The following CBLN2 variants were observed in gnomAD, a reference collection of about 807,000 sequenced individuals.
The protein encoded by CBLN2 is cerebellin 2 precursor.
CBLN2 carries 7 observed loss-of-function variants against 15.0 expected under a neutral mutation model. The observed-to-expected ratio is 0.47, with a 90% CI of 0.27 to 0.88. The LOEUF is 0.88. Among genes scored for constraint, CBLN2 ranks in the 40% least tolerant of loss-of-function variants. CBLN2 has a pLI of 0.14. For missense variants in CBLN2, 242 were observed against 304.5 expected (o/e 0.79, Z 1.53); for synonymous variants, 149 against 135.2 (o/e 1.10, Z -0.71).
chr18:72,559,081 C>T (rs572128774), intron 1 of CBLN2, among the ~76,000 whole-genome samples: 1 of 152,252 alleles, frequency 6.6e-6, no homozygotes, highest in South Asian at 2.1e-4. Context: ...AAATATATTA[C>T]TAGAAATAAA....
chr18:72,591,239 C>G (rs1383286667), intron 1 of CBLN2, among the ~76,000 whole-genome samples: 1 of 152,054 alleles, frequency 6.6e-6, no homozygotes, highest in Non-Finnish European at 1.5e-5. Context: ...TTTACTCTAA[C>G]TCAATTAATT....
At chr18:72,573,909 A>G (rs990108642) in intron 1 of CBLN2, among the ~76,000 whole-genome samples, 1 of 152,212 alleles carries the variant, frequency 6.6e-6, no homozygotes. Context: ...TCAGCAATAA[A>G]TAAGAGTTCT....
At chr18:72,570,406 T>G (rs2069324071) in intron 1 of CBLN2, among the ~76,000 whole-genome samples, 1 of 147,378 alleles carries the variant, frequency 6.8e-6, no homozygotes, top group Non-Finnish European at 1.5e-5. Context: ...CCTGGCTAAT[T>G]TTTGTATTTT....
chr18:72,537,600 G>C lies in CBLN2; in HGVS notation c.*576C>G, dbSNP rs1250897381. On this transcript the variant is annotated 3_prime_UTR_variant, in exon 5 of 5. Transcript: ENST00000269503. ...TGCAAAATTTGCTTCTCTGGATAAA[G>C]CACTTCTTGACAGGTTCCCAATGTC... The C allele has an allele frequency of 6.5e-6, 1 of 152,826 alleles. No individual in the cohort carries two copies. Among genetic ancestry groups the C allele is most frequent in the Non-Finnish European group, 1.5e-5 (1 of 68,196 alleles). 9.5% of individuals were successfully genotyped at this position (152,826 alleles called of 1,614,324 possible).
At chr18:72,540,839 G>A (rs886105539) in intron 3 of CBLN2, among the ~76,000 whole-genome samples, 1 of 152,200 alleles carries the variant, frequency 6.6e-6, no homozygotes, top group Admixed American at 6.5e-5. Flanking sequence ...CGTACAGTAA[G>A]CCCTGGTAGG....
intron 1 of CBLN2, among the ~76,000 whole-genome samples, chr18:72,601,259 T>G (rs994931126): frequency 3.9e-5 from 6 of 152,300 alleles, no homozygotes; most frequent in African/African-American, 1.4e-4. Flanking sequence ...CAAGGACAGC[T>G]TGGAGGTCAG....
chr18:72,550,842 G>C (rs1189098115), intron 1 of CBLN2, among the ~76,000 whole-genome samples: 2 of 151,888 alleles, frequency 1.3e-5, no homozygotes, highest in Non-Finnish European at 2.9e-5. Context: ...TTAAATGATA[G>C]ACTAATACTA....
chr18:72,597,625 A>AG (rs1200382744), intron 1 of CBLN2, among the ~76,000 whole-genome samples: 1 of 152,168 alleles, frequency 6.6e-6, no homozygotes, highest in African/African-American at 2.4e-5. Context: ...CCTTCTCTTC[A>AG]GGGAGACAAG....
At chr18:72,600,698 A>C (rs1160125994) in intron 1 of CBLN2, among the ~76,000 whole-genome samples, 1 of 152,198 alleles carries the variant, frequency 6.6e-6, no homozygotes, top group Non-Finnish European at 1.5e-5. Flanking sequence ...TTAAATTGAC[A>C]TGAGGGCAGT....
intron 1 of CBLN2, among the ~76,000 whole-genome samples, chr18:72,560,824 T>C (rs1053021427): frequency 2.6e-5 from 4 of 151,784 alleles, no homozygotes; most frequent in Admixed American, 6.6e-5. Flanking sequence ...CTGGCTAACA[T>C]GATGAAACCC....
upstream of CBLN2, among the ~76,000 whole-genome samples, chr18:72,546,634 C>T (rs2069160334): frequency 6.6e-6 from 1 of 152,058 alleles, no homozygotes; most frequent in South Asian, 2.1e-4. Flanking sequence ...TGGACATTCC[C>T]ACAGACAATA....
chr18:72,632,890 C>A (rs12964986), intron 1 of CBLN2, among the ~76,000 whole-genome samples: 49,864 of 152,178 alleles, frequency 0.33, 9,299 homozygotes, highest in Middle Eastern at 0.47. Flanking sequence ...AAGCTCCTTG[C>A]AGGCAGGTCC....
chr18:72,596,463 A>G (rs895086830), intron 1 of CBLN2, among the ~76,000 whole-genome samples: 4 of 152,018 alleles, frequency 2.6e-5, no homozygotes, highest in African/African-American at 7.2e-5. Context: ...ACCCACCACA[A>G]TTTCAGTGTT....
At chr18:72,571,507 T>C (rs1422615972) in intron 1 of CBLN2, among the ~76,000 whole-genome samples, 3 of 152,180 alleles carry the variant, frequency 2.0e-5, no homozygotes, top group African/African-American at 7.2e-5. Flanking sequence ...ATGGAGTAAG[T>C]AAATAAATCA....
At chr18:72,623,812 A>G (rs1329644709) in intron 1 of CBLN2, among the ~76,000 whole-genome samples, 4 of 152,154 alleles carry the variant, frequency 2.6e-5, no homozygotes, top group African/African-American at 7.2e-5. Context: ...GCGGCATGAC[A>G]AGGGATTTGC....
chr18:72,540,147 G>T (rs1335289094), intron 3 of CBLN2: 1 of 152,098 alleles, frequency 6.6e-6, no homozygotes, highest in East Asian at 1.9e-4. Context: ...GGCTATGCTC[G>T]CTGTCTTCCT....
intron 1 of CBLN2, among the ~76,000 whole-genome samples, chr18:72,591,456 A>T (rs1004734359): frequency 6.6e-6 from 1 of 152,186 alleles, no homozygotes; most frequent in African/African-American, 2.4e-5. Flanking sequence ...CACTGTAAAT[A>T]AGGTATCCAT....
chr18:72,566,821 GTTATTA>G (rs567953652), intron 1 of CBLN2, among the ~76,000 whole-genome samples: 1 of 151,634 alleles, frequency 6.6e-6, no homozygotes, highest in Admixed American at 6.6e-5. Context: ...AAATGTTGTT[GTTATTA>G]TTATTATTAT....
chr18:72,632,755 C>A (rs1343260312), intron 1 of CBLN2, among the ~76,000 whole-genome samples: 1 of 152,176 alleles, frequency 6.6e-6, no homozygotes, highest in Non-Finnish European at 1.5e-5. Context: ...CAGATTCAGT[C>A]ACACTTGTGA....
Sources: gnomAD v4.1 joint callset for allele counts (sites outside exome capture counted in the v4.1 genomes callset) on GRCh38, gnomAD v4.1.1 for gene constraint, MANE v1.5 for transcripts, NCBI Gene and HGNC (gene_info 2026-07-23, HGNC 2026-07-21) for gene names.